Variants in CCDC186 observed in about 807,000 individuals in gnomAD.
CCDC186 encodes the protein coiled-coil domain containing 186.
A neutral mutation model predicts 113.7 loss-of-function variants in CCDC186; 49 were observed. The observed-to-expected ratio is 0.43, with a 90% CI of 0.34 to 0.55. CCDC186 has a LOEUF of 0.55. Among genes scored for constraint, CCDC186 ranks in the 20% least tolerant of loss-of-function variants. The pLI, the probability that CCDC186 is intolerant of heterozygous loss-of-function variation, is 0.02. For missense variants in CCDC186, 890 were observed against 1,011.1 expected (o/e 0.88, Z 1.62); for synonymous variants, 355 against 345.8 (o/e 1.03, Z -0.30).
chr10:114,149,778 CAGGAAGGCAGGAAGGAAGGA>C (rs2031781669), intron 4 of CCDC186, among the ~76,000 whole-genome samples: 1 of 14,498 alleles, frequency 6.9e-5, no homozygotes, highest in East Asian at 6.9e-3. Flanking sequence ...GGAAGGAAGG[CAGGAAGGCAGGAAGGAAGGA>C]AGGAAGGAAG....
chr10:114,168,927 A>T lies in CCDC186; in HGVS notation c.-62+5088T>A, dbSNP rs572293353. Among the ~76,000 whole-genome samples the T allele has an allele frequency of 3.6e-4, 55 of 152,346 alleles. 2 individuals are homozygous for T. In the South Asian group the frequency reaches 0.011, roughly 31 times the overall value. On this transcript the variant is annotated intron_variant, in intron 1 of 15. Transcript: ENST00000369287. ...CTCATGCAAAGGTACTAAGAGATAC[A>T]TTTCCAAACTAGATGTTCATTTTTA...
At chr10:114,156,174 G>T (rs1048701408) in intron 3 of CCDC186, among the ~76,000 whole-genome samples, 9 of 152,058 alleles carry the variant, frequency 5.9e-5, no homozygotes, top group Admixed American at 5.9e-4. Context: ...TAAAAATCAG[G>T]ATTAAATACA....
chr10:114,150,996 T>C, intron 4 of CCDC186, 96 bp downstream of exon 4: 1 of 1,418,936 alleles, frequency 7.0e-7, no homozygotes, highest in Non-Finnish European at 9.6e-7. Context: ...ATTAATACAA[T>C]AGTGAGGTCC....
In CCDC186 at chr10:114,137,441, A is replaced by G. The variant is rs1298595075; in HGVS notation, c.1222-151T>C. The G allele has an allele frequency of 6.5e-6, 4 of 613,858 alleles. No homozygotes were observed. The African/African-American group carries it at 7.4e-5, about 11-fold the overall frequency. The allele number at this position is 613,858 out of a possible 1,614,324, so 38.0% of individuals were successfully genotyped here. On this transcript the variant is annotated intron_variant, in intron 6 of 15. Transcript: ENST00000369287. ...TAATATTTTATGTTTCTGACAAAAA[A>G]TTAAAATGATCTGTAGAGTTAACTA...
At chr10:114,146,593 T>C (rs1265560731) in intron 4 of CCDC186, among the ~76,000 whole-genome samples, 1 of 152,214 alleles carries the variant, frequency 6.6e-6, no homozygotes, top group Non-Finnish European at 1.5e-5. Flanking sequence ...CATTTAAAAA[T>C]TTTCTATTAG....
rs2031613172 is a variant in CCDC186 at position 114,145,678 on chromosome 10, A to G, written c.972T>C (p.Asp324=). ...KYVRGEKESL[D]LRKEKETLEK... ...CAAGTGTCTCTTTTTCCTTTCGAAG[A>G]TCTAAAGATTCCTTCTCACCTCTTA... The change falls in exon 5 of 16, where the codon GAT becomes GAC. Residue 324 remains aspartate, a synonymous_variant. Transcript: ENST00000369287. 6.2e-7 allele frequency: 1 copy of G among 1,613,040 alleles called. No individual in the cohort carries two copies. Among genetic ancestry groups the G allele is most frequent in the Non-Finnish European group, 8.5e-7 (1 of 1,179,808 alleles).
chr10:114,128,788 A>C (rs1449801770), intron 13 of CCDC186, among the ~76,000 whole-genome samples: 3 of 152,226 alleles, frequency 2.0e-5, no homozygotes, highest in African/African-American at 7.2e-5. Context: ...TTTAGGACAT[A>C]GGTATATCAT....
chr10:114,154,762 C>T (rs185700012), intron 3 of CCDC186, among the ~76,000 whole-genome samples: 22 of 152,290 alleles, frequency 1.4e-4, no homozygotes, highest in Non-Finnish European at 2.2e-4. Flanking sequence ...AAAACTAGCA[C>T]GTGAATGTTC....
Position 114,127,495 on chromosome 10 carries a change from T to G in CCDC186, c.2359A>C (p.Lys787Gln). The G allele has an allele frequency of 6.2e-7, 1 of 1,614,048 alleles. No individual in the cohort carries two copies. Among genetic ancestry groups the G allele is most frequent in the Non-Finnish European group, 8.5e-7 (1 of 1,179,978 alleles). The change falls in exon 14 of 16, where the codon AAA becomes CAA. Residue 787 changes from lysine to glutamine, a missense_variant. Coordinates refer to ENST00000369287, the MANE Select transcript of CCDC186 (RefSeq NM_018017.4). The stretch of plus-strand genomic sequence containing the variant: ...TTCCTAATTTCTTCCACCAGTTGTT[T>G]GATGTGGTCCTCCATAAATTCTATC... ...EKIEFMEDHI[K>Q]QLVEEIRKKT...
At position 114,144,630 on chromosome 10, in the gene CCDC186, A is replaced by G. The variant is rs1204121349; in HGVS notation, c.1102-14T>C. On this transcript the variant is annotated splice_polypyrimidine_tract_variant and intron_variant, in intron 5 of 15. Transcript: ENST00000369287. Reference sequence around the variant, plus strand: ...CGTTTCGCCTTCCTAAAATAATATCACTAGGTCATATATTTTCATTTATAG... The same window carrying G: ...CGTTTCGCCTTCCTAAAATAATATCGCTAGGTCATATATTTTCATTTATAG... 1.9e-6 allele frequency: 3 copies of G among 1,588,294 alleles called. No individual in the cohort carries two copies. Among genetic ancestry groups the G allele is most frequent in the Middle Eastern group, 1.7e-4 (1 of 5,962 alleles).
chr10:114,144,791 T>C (rs2031585419), intron 5 of CCDC186, among the ~76,000 whole-genome samples, 175 bp from the exon 6 acceptor site: 1 of 152,140 alleles, frequency 6.6e-6, no homozygotes, highest in Admixed American at 6.6e-5. Context: ...AGTAAAATCC[T>C]AAATCCAATT....
rs1032132241 is a variant in CCDC186, at chr10:114,122,465, A to G, written c.*2678T>C. 1.3e-5 allele frequency: 2 copies of G among 152,208 alleles called. No individual in the cohort carries two copies. Among genetic ancestry groups the G allele is most frequent in the Non-Finnish European group, 2.9e-5 (2 of 68,026 alleles). The allele number at this position is 152,208 out of a possible 1,614,324, so 9.4% of individuals were successfully genotyped here. A position where few individuals can be genotyped will look rare whatever the true frequency, so the allele number is the denominator to read the frequency against. The stretch of plus-strand genomic sequence containing the variant: ...AATATTCACTTCAAAATTAAAACCT[A>G]TTGAAGTGTATACATATACATACAC... On this transcript the variant is annotated 3_prime_UTR_variant, in exon 16 of 16. Coordinates refer to ENST00000369287, the MANE Select transcript of CCDC186 (RefSeq NM_018017.4).
At chr10:114,128,002 G>C (rs956691291) in intron 13 of CCDC186, among the ~76,000 whole-genome samples, 3 of 152,140 alleles carry the variant, frequency 2.0e-5, no homozygotes, top group Admixed American at 2.0e-4. Flanking sequence ...GGTATGAGAG[G>C]AGACAGAAAA....
At chr10:114,164,114 A>AT (rs35615169) in intron 1 of CCDC186, among the ~76,000 whole-genome samples, 4,179 of 79,176 alleles carry the variant, frequency 0.053, 508 homozygotes, top group Non-Finnish European at 0.068. Flanking sequence ...ATATATATAT[A>AT]TTTTTTTTTT....
At chr10:114,131,038 C>A in intron 12 of CCDC186, 109 bp downstream of exon 12, 2 of 967,896 alleles carry the variant, frequency 2.1e-6, no homozygotes, top group South Asian at 6.5e-5. Flanking sequence ...CTAATATTAA[C>A]AAAGAAAACA....
rs751549700 is a variant in CCDC186, at chr10:114,136,186, G to A, written c.1387C>T (p.Leu463Phe). The change falls in exon 8 of 16, where the codon CTT becomes TTT. Residue 463 changes from leucine (L) to phenylalanine (F), a missense_variant. Coordinates refer to ENST00000369287, the MANE Select transcript of CCDC186 (RefSeq NM_018017.4). ...DAKLRVTKGELEKQMQEKSDQ... is the reference protein window; with the variant it reads ...DAKLRVTKGEFEKQMQEKSDQ... ...GATTTTTCTTGCATTTGTTTTTCAA[G>A]TTCTCCTTTTGTGACTCTAAGCTTT... 6.2e-7 allele frequency: 1 copy of A among 1,612,960 alleles called. No homozygotes were observed. The highest frequency in any genetic ancestry group is 2.2e-5 in the East Asian group (1 of 44,788).
At position 114,132,149 on chromosome 10, in the gene CCDC186, ACTT is replaced by A. The variant is rs1477162252; in HGVS notation, c.1688_1690del (p.Glu563del). 13 of 1,602,496 alleles carry A rather than the reference ACTT, an allele frequency of 8.1e-6. No individual in the cohort carries two copies. In the East Asian group the frequency reaches 8.9e-5, roughly 11 times the overall value. Reference sequence around the variant, plus strand: ...ATTAATCAAAGAATTAAGACTTTCCACTTCTTCTTTCAAATTTTCAATTTCTTG... The same window carrying A: ...ATTAATCAAAGAATTAAGACTTTCCACTTCTTTCAAATTTTCAATTTCTTG... On this transcript the variant is annotated inframe_deletion, in exon 11 of 16. Coordinates refer to ENST00000369287, the MANE Select transcript of CCDC186 (RefSeq NM_018017.4).
At chr10:114,135,869 T>A in intron 9 of CCDC186, 22 bp downstream of exon 9, 1 of 1,547,652 alleles carries the variant, frequency 6.5e-7, no homozygotes, top group South Asian at 1.1e-5. Context: ...TCCTCTGGAT[T>A]CATGACTAAA....
At chr10:114,169,805 A>T (rs1392455254) in intron 1 of CCDC186, among the ~76,000 whole-genome samples, 1 of 152,232 alleles carries the variant, frequency 6.6e-6, no homozygotes, top group African/African-American at 2.4e-5. Flanking sequence ...GCATCCACAC[A>T]GTTCAATGTA....
Sources: allele counts gnomAD v4.1 joint callset (sites outside exome capture counted in the v4.1 genomes callset), GRCh38; gene constraint gnomAD v4.1.1; transcripts MANE v1.5; gene names NCBI Gene and HGNC (gene_info 2026-07-23, HGNC 2026-07-21).